Variants in ATP2A2 observed in about 807,000 individuals in gnomAD.
ATP2A2 encodes the protein ATPase sarcoplasmic/endoplasmic reticulum Ca2+ transporting 2, also known as sarcoplasmic/endoplasmic reticulum calcium ATPase 2.
ATP2A2 carries 14 observed loss-of-function variants against 109.3 expected under a neutral mutation model. That is an observed-to-expected ratio of 0.13 (90% CI 0.08 to 0.20). The LOEUF (loss-of-function observed/expected upper bound fraction) is 0.20. ATP2A2 is among the 10% of genes least tolerant of loss of function. ATP2A2 has a pLI of 1.00. For missense variants in ATP2A2, 657 were observed against 1,321.6 expected, an observed-to-expected ratio of 0.50 and a Z score of 7.80; for synonymous variants, 506 against 490.9, an observed-to-expected ratio of 1.03 and a Z score of -0.41.
chr12:110,315,733 G>A (rs1210032238), intron 5 of ATP2A2, among the ~76,000 whole-genome samples: 1 of 152,178 alleles, frequency 6.6e-6, no homozygotes, highest in Non-Finnish European at 1.5e-5. Context: ...TTGAGGTTGG[G>A]AGTTCGAGAC....
intron 6 of ATP2A2, 58 bp from the exon 7 acceptor site, chr12:110,326,332 T>C (rs1008651652): frequency 6.7e-7 from 1 of 1,487,606 alleles, no homozygotes; most frequent in Non-Finnish European, 9.3e-7. Flanking sequence ...AATGAGAGGT[T>C]CTAGGTTCTT....
chr12:110,346,740 TTC>T lies in ATP2A2; in HGVS notation c.*272_*273del. On this transcript the variant is annotated 3_prime_UTR_variant, in exon 20 of 20. Coordinates refer to ENST00000539276, the MANE Select transcript of ATP2A2 (RefSeq NM_170665.4). The stretch of plus-strand genomic sequence containing the variant: ...TGTAGATGAAAAAGCATGTACAGTG[TTC>T]TGTTTAATACTCATCCTTGTATAAA... 7.6e-7 allele frequency: 1 copy of T among 1,317,768 alleles called. No individual in the cohort carries two copies. The highest frequency in any genetic ancestry group is 3.5e-5 in the East Asian group (1 of 28,400). The allele number at this position is 1,317,768 out of a possible 1,614,324, so 81.6% of individuals were successfully genotyped here. A position where few individuals can be genotyped will look rare whatever the true frequency, so the allele number is the denominator to read the frequency against.
At chr12:110,296,017 T>C (rs1271639328) in intron 4 of ATP2A2, 1 of 154,808 alleles carries the variant, frequency 6.5e-6, no homozygotes, top group African/African-American at 2.4e-5. Flanking sequence ...TAAACTTGTG[T>C]GTTGTGTAAC....
chr12:110,340,533 C>T lies in ATP2A2; in HGVS notation c.1762-126C>T, dbSNP rs1218336987. 3.0e-5 allele frequency: 32 copies of T among 1,080,062 alleles called. No individual in the cohort carries two copies. The highest frequency in any genetic ancestry group is 3.9e-5 in the Non-Finnish European group (29 of 750,194). 66.9% of individuals were successfully genotyped at this position (1,080,062 alleles called of 1,614,324 possible). ...AGCCTGGGCAACAAGAGCGAAACTC[C>T]GCCTCAAAAAAAAAAAAAGAAAAAA... On this transcript the variant is annotated intron_variant, in intron 13 of 19. Coordinates refer to ENST00000539276, the MANE Select transcript of ATP2A2 (RefSeq NM_170665.4). This position sits in a 1 kb window ranked among gnomAD's most constrained non-coding sequence, Gnocchi z 6.0.
At chr12:110,289,250 T>G (rs1253736806) in intron 3 of ATP2A2, among the ~76,000 whole-genome samples, 2 of 152,256 alleles carry the variant, frequency 1.3e-5, no homozygotes, top group Admixed American at 6.5e-5. Context: ...AAGGTCATAG[T>G]TACTCTTCAA....
In ATP2A2 at chr12:110,348,416, T is replaced by A; in HGVS notation, c.*1946T>A. On this transcript the variant is annotated 3_prime_UTR_variant, in exon 20 of 20. Transcript: ENST00000539276. ...GAGGCCTCGACTATATTCTTCAAAA[T>A]GTACTTAGGCTCTGGTTACTGGGAT... 3 of 985,426 alleles carry A rather than the reference T, an allele frequency of 3.0e-6. No individual in the cohort carries two copies. The highest frequency in any genetic ancestry group is 3.6e-6 in the Non-Finnish European group (3 of 830,014). 61.0% of individuals were successfully genotyped at this position (985,426 alleles called of 1,614,324 possible). A position where few individuals can be genotyped will look rare whatever the true frequency, so the allele number is the denominator to read the frequency against.
At chr12:110,341,788 G>A (rs550896292) in intron 14 of ATP2A2, among the ~76,000 whole-genome samples, 3 of 152,290 alleles carry the variant, frequency 2.0e-5, no homozygotes, top group African/African-American at 4.8e-5. Context: ...CAGGAGAATC[G>A]CTTGAACCCA....
Position 110,350,564 on chromosome 12 carries a change from T to C in ATP2A2, c.*4094T>C. 1 of 583,090 alleles carries C rather than the reference T, an allele frequency of 1.7e-6. No individual in the cohort carries two copies. Among genetic ancestry groups the C allele is most frequent in the Non-Finnish European group, 3.0e-6 (1 of 337,648 alleles). 36.1% of individuals were successfully genotyped at this position (583,090 alleles called of 1,614,324 possible). ...CTCCAGAGAAGTTTGGTTTCTTTGC[T>C]GCAAGAGGAATGAGGCTCTGTAACC... On this transcript the variant is annotated 3_prime_UTR_variant, in exon 20 of 20. Transcript: ENST00000539276.
chr12:110,296,475 A>G, intron 4 of ATP2A2, 124 bp from the exon 5 acceptor site: 1 of 1,287,036 alleles, frequency 7.8e-7, no homozygotes, highest in Non-Finnish European at 1.1e-6. Context: ...ATTGTTTAGT[A>G]CAAATGTTAC....
rs1879901651 is a variant in ATP2A2 at position 110,346,742 on chromosome 12, C to G, written c.*272C>G. 29 of 1,281,540 alleles carry G rather than the reference C, an allele frequency of 2.3e-5. No individual in the cohort carries two copies. Among genetic ancestry groups the G allele is most frequent in the Non-Finnish European group, 2.9e-5 (29 of 1,010,308 alleles). The allele number at this position is 1,281,540 out of a possible 1,614,324, so 79.4% of individuals were successfully genotyped here. On this transcript the variant is annotated 3_prime_UTR_variant, in exon 20 of 20. Transcript: ENST00000539276. ...TAGATGAAAAAGCATGTACAGTGTT[C>G]TGTTTAATACTCATCCTTGTATAAA...
In ATP2A2 at chr12:110,333,362, C is replaced by A. The variant is rs566918624; in HGVS notation, c.1287+79C>A. The A allele has an allele frequency of 3.8e-5, 51 of 1,325,952 alleles. 1 individual carries two copies. The Admixed American group carries it at 7.9e-4, about 21-fold the overall frequency. 82.1% of individuals were successfully genotyped at this position (1,325,952 alleles called of 1,614,324 possible). On this transcript the variant is annotated intron_variant, in intron 10 of 19. Transcript: ENST00000539276. ...TGGGTGGAATGAAAGTCTAGCCTGCCTTCCTCCCTTTTGAAAGTCAAGGGT... is the reference window on the plus strand; with the variant it reads ...TGGGTGGAATGAAAGTCTAGCCTGCATTCCTCCCTTTTGAAAGTCAAGGGT...
intron 4 of ATP2A2, among the ~76,000 whole-genome samples, chr12:110,294,850 C>A (rs905471723): frequency 6.6e-6 from 1 of 152,042 alleles, no homozygotes; most frequent in South Asian, 2.1e-4. Context: ...GACGGAGTCT[C>A]GCTCTGTCAA....
At chr12:110,281,962 A>G (rs762308171) in intron 1 of ATP2A2, 55 bp downstream of exon 1, 2 of 1,421,660 alleles carry the variant, frequency 1.4e-6, no homozygotes, top group South Asian at 2.5e-5. Flanking sequence ...GAGCCAGGGA[A>G]GATGGCTGAC....
rs928519793 is a variant in ATP2A2, at chr12:110,328,783, G to A, written c.1095+766G>A. On this transcript the variant is annotated intron_variant, in intron 8 of 19. Transcript: ENST00000539276. ...AGGTTCTCACTATGTCACCAGGCTG[G>A]TCTTGAATTCCTGGGCTCAAGTGAT... 2.0e-5 allele frequency among the ~76,000 whole-genome samples: 3 copies of A among 152,070 alleles called. No individual in the cohort carries two copies. The South Asian group carries it at 6.2e-4, about 32-fold the overall frequency.
intron 3 of ATP2A2, among the ~76,000 whole-genome samples, chr12:110,283,145 C>T (rs1872319577): frequency 6.6e-6 from 1 of 152,154 alleles, no homozygotes; most frequent in African/African-American, 2.4e-5. Flanking sequence ...TAAGATCATA[C>T]TAAGATGATG....
intron 5 of ATP2A2, among the ~76,000 whole-genome samples, chr12:110,298,532 A>G (rs567623505): frequency 6.6e-6 from 1 of 152,176 alleles, no homozygotes; most frequent in South Asian, 2.1e-4. Context: ...ATCCTGGCCA[A>G]AATGGTGAAA....
intron 5 of ATP2A2, among the ~76,000 whole-genome samples, chr12:110,313,792 C>T (rs1459675623): frequency 6.8e-6 from 1 of 147,172 alleles, no homozygotes; most frequent in Non-Finnish European, 1.5e-5. Flanking sequence ...ACCACTGGAA[C>T]CTCTGCCTCC....
chr12:110,296,273 G>A, intron 4 of ATP2A2: 1 of 356,610 alleles, frequency 2.8e-6, no homozygotes, highest in Non-Finnish European at 5.4e-6. Flanking sequence ...TGCCTCTCAT[G>A]AGACAGAATT....
chr12:110,311,233 T>C (rs550681359), intron 5 of ATP2A2, among the ~76,000 whole-genome samples: 6 of 152,214 alleles, frequency 3.9e-5, no homozygotes, highest in African/African-American at 1.4e-4. Context: ...TCTTTGTGGG[T>C]TGGTTGGTTG....
Sources: allele counts gnomAD v4.1 joint callset (sites outside exome capture counted in the v4.1 genomes callset), GRCh38; gene constraint gnomAD v4.1.1; non-coding constraint Gnocchi (gnomAD v3.1); transcripts MANE v1.5; gene names NCBI Gene and HGNC (gene_info 2026-07-23, HGNC 2026-07-21).